ADTRP: variants seen among roughly 807,000 people sequenced by gnomAD.
ADTRP encodes androgen-dependent TFPI-regulating protein.
ADTRP carries 20 observed loss-of-function variants against 27.0 expected under a neutral mutation model. That is an observed-to-expected ratio of 0.74 (90% CI 0.52 to 1.08). The LOEUF (loss-of-function observed/expected upper bound fraction) is 1.08. Among genes scored for constraint, ADTRP ranks in the 50% least tolerant of loss-of-function variants. The pLI, the probability that ADTRP is intolerant of heterozygous loss-of-function variation, is 0.00. For missense variants in ADTRP, 251 were observed against 275.0 expected (o/e 0.91, Z 0.62); for synonymous variants, 101 against 105.2 (o/e 0.96, Z 0.25).
intron 1 of ADTRP, among the ~76,000 whole-genome samples, chr6:11,774,715 A>T (rs1219680553): frequency 6.6e-5 from 10 of 152,176 alleles, no homozygotes; most frequent in Non-Finnish European, 1.0e-4. Context: ...AATGTTTCAG[A>T]AGGAAGCTTA....
chr6:11,754,974 T>A, intron 3 of ADTRP: 2 of 944,358 alleles, frequency 2.1e-6, no homozygotes, highest in Non-Finnish European at 2.5e-6. Flanking sequence ...TCCACTTAGA[T>A]TTTTAGTTTT....
intron 3 of ADTRP, among the ~76,000 whole-genome samples, chr6:11,763,073 A>G (rs1763443840): frequency 6.6e-6 from 1 of 152,212 alleles, no homozygotes; most frequent in African/African-American, 2.4e-5. Context: ...AGATTGATCT[A>G]CTTTAATTAA....
chr6:11,720,371 T>G (rs1405024976), intron 5 of ADTRP, among the ~76,000 whole-genome samples: 1 of 152,160 alleles, frequency 6.6e-6, no homozygotes, highest in Non-Finnish European at 1.5e-5. Flanking sequence ...TCAGGCCACC[T>G]GGGCTTGGTG....
At chr6:11,738,420 G>A (rs1379446710) in intron 3 of ADTRP, 1 of 152,334 alleles carries the variant, frequency 6.6e-6, no homozygotes, top group African/African-American at 2.4e-5. Context: ...CACCTCAGCA[G>A]GCAGGAGATG....
chr6:11,767,990 A>G (rs1236115847), intron 2 of ADTRP, among the ~76,000 whole-genome samples: 1 of 152,202 alleles, frequency 6.6e-6, no homozygotes, highest in Admixed American at 6.5e-5. Context: ...AGGTCTTTCA[A>G]ACTTCCCCAT....
At chr6:11,774,209 T>G (rs1763874997) in intron 1 of ADTRP, among the ~76,000 whole-genome samples, 1 of 151,962 alleles carries the variant, frequency 6.6e-6, no homozygotes, top group African/African-American at 2.4e-5. Context: ...CTGAGGAGGC[T>G]GAGGCAGGAG....
intron 5 of ADTRP, among the ~76,000 whole-genome samples, chr6:11,715,738 T>G (rs189250855): frequency 6.9e-6 from 1 of 144,436 alleles, no homozygotes; most frequent in East Asian, 2.1e-4. Flanking sequence ...CTTGAGCTCC[T>G]GGGCTGAAGT....
intron 5 of ADTRP, among the ~76,000 whole-genome samples, chr6:11,720,728 C>T (rs931821487): frequency 6.6e-6 from 1 of 152,164 alleles, no homozygotes; most frequent in Non-Finnish European, 1.5e-5. Context: ...TATTCCAGTG[C>T]TCTTTCCCCT....
intron 1 of ADTRP, among the ~76,000 whole-genome samples, chr6:11,769,669 A>G (rs371711036): frequency 3.3e-5 from 5 of 152,158 alleles, no homozygotes; most frequent in Non-Finnish European, 5.9e-5. Flanking sequence ...CCGGGTCACA[A>G]AATAATCTAT....
At chr6:11,736,175 G>A (rs62395245) in intron 3 of ADTRP, 12,257 of 162,016 alleles carry the variant, frequency 0.076, 531 homozygotes, top group Non-Finnish European at 0.098. Context: ...CCAAAGTGCT[G>A]GCTTGGCGGC....
Position 11,732,505 on chromosome 6 carries a change from T to G in ADTRP, c.506+3063A>C, listed in dbSNP as rs536120174. Among the ~76,000 whole-genome samples, 3 of 152,152 alleles carry G rather than the reference T, an allele frequency of 2.0e-5. No homozygotes were observed. In the East Asian group the frequency reaches 5.8e-4, roughly 29 times the overall value. ...AGGGGCCCTGGAAACTGCGTAAGGG[T>G]GGGGTTGGCAGGCACCAAAGAGTCT... On this transcript the variant is annotated intron_variant, in intron 4 of 5. Coordinates refer to ENST00000414691, the MANE Select transcript of ADTRP (RefSeq NM_032744.4).
intron 3 of ADTRP, among the ~76,000 whole-genome samples, chr6:11,765,609 A>C (rs1763546549): frequency 6.6e-6 from 1 of 152,036 alleles, no homozygotes; most frequent in African/African-American, 2.4e-5. Flanking sequence ...GTATTTGAAC[A>C]ATTACTTTGT....
chr6:11,727,285 G>T (rs1024920695), intron 4 of ADTRP, among the ~76,000 whole-genome samples: 3 of 152,196 alleles, frequency 2.0e-5, no homozygotes, highest in African/African-American at 4.8e-5. Context: ...CTCCCAAAGT[G>T]CTGGGATTAC....
intron 3 of ADTRP, among the ~76,000 whole-genome samples, chr6:11,761,873 C>T (rs1763398562): frequency 6.6e-6 from 1 of 152,162 alleles, no homozygotes; most frequent in African/African-American, 2.4e-5. Flanking sequence ...TTGAAAACCA[C>T]TGAGTTGTAC....
intron 3 of ADTRP, among the ~76,000 whole-genome samples, chr6:11,757,037 T>C (rs565785659): frequency 4.6e-4 from 70 of 152,356 alleles, no homozygotes; most frequent in African/African-American, 1.5e-3. Flanking sequence ...AGATAATGAA[T>C]GTTGTATTAA....
At chr6:11,745,873 C>A (rs1762851113) in intron 3 of ADTRP, among the ~76,000 whole-genome samples, 1 of 152,130 alleles carries the variant, frequency 6.6e-6, no homozygotes, top group Admixed American at 6.5e-5. Flanking sequence ...TCACTGCAAC[C>A]TCTGCTGCCT....
chr6:11,773,999 AC>A (rs1338857019), intron 1 of ADTRP, among the ~76,000 whole-genome samples: 2 of 151,998 alleles, frequency 1.3e-5, no homozygotes, highest in Non-Finnish European at 2.9e-5. Flanking sequence ...TGTATTTCTG[AC>A]TCCACGTTGC....
At chr6:11,771,250 T>C (rs1763768647) in intron 1 of ADTRP, among the ~76,000 whole-genome samples, 2 of 152,348 alleles carry the variant, frequency 1.3e-5, no homozygotes, top group South Asian at 4.1e-4. Flanking sequence ...CGGGCCTCTC[T>C]AGGTGCCCAC....
In ADTRP at chr6:11,714,660, TG is replaced by T. The variant is rs1761755398; in HGVS notation, c.659-149del. The T allele has an allele frequency of 2.3e-5, 20 of 863,596 alleles. No homozygotes were observed. In the South Asian group the frequency reaches 3.3e-4, roughly 14 times the overall value. 53.5% of individuals were successfully genotyped at this position (863,596 alleles called of 1,614,324 possible). ...TGACAAGATGCAGTTTAAGGAGTTATGAAAAAACAGCTGCCACGATGACAGG... is the reference window on the plus strand; with the variant it reads ...TGACAAGATGCAGTTTAAGGAGTTATAAAAAACAGCTGCCACGATGACAGG... On this transcript the variant is annotated intron_variant, in intron 5 of 5. Coordinates refer to ENST00000414691, the MANE Select transcript of ADTRP (RefSeq NM_032744.4).
Sources: gnomAD v4.1 joint callset for allele counts (sites outside exome capture counted in the v4.1 genomes callset) on GRCh38, gnomAD v4.1.1 for gene constraint, MANE v1.5 for transcripts, NCBI Gene and HGNC (gene_info 2026-07-23, HGNC 2026-07-21) for gene names.